The following SMG6 variants were observed in gnomAD, a reference collection of about 807,000 sequenced individuals.
SMG6 encodes the protein SMG6 nonsense mediated mRNA decay factor.
SMG6 carries 66 observed loss-of-function variants against 142.2 expected under a neutral mutation model. That is an observed-to-expected ratio of 0.46 (90% CI 0.38 to 0.57). SMG6 has a LOEUF of 0.57. Ranked by LOEUF, SMG6 falls within the 20% of genes least tolerant of loss-of-function variation. SMG6 has a pLI of 0.00. For synonymous variants in SMG6, 779 were observed against 702.4 expected (o/e 1.11, Z -1.72); for missense variants, 1,793 against 1,832.0 (o/e 0.98, Z 0.39).
chr17:2,293,149 T>TA (rs2075075875), intron 4 of SMG6, among the ~76,000 whole-genome samples, 172 bp from the exon 5 acceptor site: 1 of 152,070 alleles, frequency 6.6e-6, no homozygotes, highest in Non-Finnish European at 1.5e-5. Flanking sequence ...CAACAAACTA[T>TA]AAAGTTTTCA....
At chr17:2,108,478 C>CCACGCCTGCAAACCTGCAGGTG (rs2069215624) in intron 13 of SMG6, among the ~76,000 whole-genome samples, 1 of 151,936 alleles carries the variant, frequency 6.6e-6, no homozygotes, top group Non-Finnish European at 1.5e-5. Flanking sequence ...TTAACCAGGC[C>CCACGCCTGCAAACCTGCAGGTG]CACGCCTGCA....
At chr17:2,287,394 T>C (rs998039509) in intron 6 of SMG6, among the ~76,000 whole-genome samples, 8 of 152,164 alleles carry the variant, frequency 5.3e-5, no homozygotes, top group African/African-American at 1.9e-4. Flanking sequence ...ATGCAGAAAA[T>C]AACAAGTGTT....
chr17:2,184,793 C>T lies in SMG6; in HGVS notation c.3155+1870G>A, dbSNP rs537081533. Among the ~76,000 whole-genome samples the T allele has an allele frequency of 1.6e-3, 233 of 150,318 alleles. 2 individuals carry two copies. Among genetic ancestry groups the T allele is most frequent in the African/African-American group, 5.3e-3 (218 of 40,878 alleles). On this transcript the variant is annotated intron_variant, in intron 12 of 18. Transcript: ENST00000263073. ...CAGCCTGGCCCACGTGGTAAAACCC[C>T]GTCTCTATTAAAAATACAAAAATTA...
intron 4 of SMG6, 88 bp downstream of exon 4, chr17:2,297,155 C>T: frequency 3.4e-6 from 3 of 871,088 alleles, no homozygotes; most frequent in Admixed American, 2.3e-5. Flanking sequence ...ATCCTCAACA[C>T]CCAGTACAGT....
At chr17:2,080,244 C>T (rs555351350) in intron 15 of SMG6, among the ~76,000 whole-genome samples, 1 of 151,820 alleles carries the variant, frequency 6.6e-6, no homozygotes, top group South Asian at 2.1e-4. Flanking sequence ...CACAGCAAAA[C>T]CCTGTCTTTA....
rs146337444 is a variant in SMG6, at chr17:2,298,053, G to A, written c.1850C>T (p.Ala617Val). Residue 617 changes from alanine to valine, a missense_variant and splice_region_variant, in exon 3 of 19, where the codon GCT becomes GTT. Coordinates refer to ENST00000263073, the MANE Select transcript of SMG6 (RefSeq NM_017575.5). ...EGLEKMAQLR[A>V]ELLQLYERCI... Reference sequence around the variant, plus strand: ...GCGCTCATATAGCTGCAGCAGTTCAGCTCTGGAATAAAATACATGCAACTT... The same window carrying A: ...GCGCTCATATAGCTGCAGCAGTTCAACTCTGGAATAAAATACATGCAACTT... 4.9e-5 allele frequency: 78 copies of A among 1,593,508 alleles called. No homozygotes were observed. The highest frequency in any genetic ancestry group is 6.2e-5 in the Non-Finnish European group (73 of 1,173,338).
Position 2,085,931 on chromosome 17 carries a change from A to G in SMG6, c.3358-30T>C. On this transcript the variant is annotated intron_variant, in intron 13 of 18. Coordinates refer to ENST00000263073, the MANE Select transcript of SMG6 (RefSeq NM_017575.5). This position sits in a 1 kb window ranked among gnomAD's most constrained non-coding sequence, Gnocchi z 4.1. The stretch of plus-strand genomic sequence containing the variant: ...AGGGTGAGAGGGAGAGAAGAAAAAC[A>G]GCATTTTCTGAAAGGGAAGATGGAG... 4 of 1,608,020 alleles carry G rather than the reference A, an allele frequency of 2.5e-6. No homozygotes were observed.
chr17:2,219,364 G>T (rs1299852716), intron 10 of SMG6, among the ~76,000 whole-genome samples: 2 of 152,026 alleles, frequency 1.3e-5, no homozygotes, highest in Non-Finnish European at 2.9e-5. Flanking sequence ...CAGCCTGGGC[G>T]GCAGAGCGAG....
intron 13 of SMG6, among the ~76,000 whole-genome samples, chr17:2,157,683 A>G (rs2071049239): frequency 6.6e-6 from 1 of 152,204 alleles, no homozygotes; most frequent in African/African-American, 2.4e-5. Flanking sequence ...GCTTAAAGTT[A>G]GGCTTAACTT....
chr17:2,145,608 T>G (rs1597465659), intron 13 of SMG6, among the ~76,000 whole-genome samples: 1 of 110,900 alleles, frequency 9.0e-6, no homozygotes, highest in South Asian at 3.2e-4. Context: ...GCCACTGCAC[T>G]CCAGCCTTGG....
intron 16 of SMG6, among the ~76,000 whole-genome samples, chr17:2,066,547 G>A (rs1188907545): frequency 6.6e-6 from 1 of 151,980 alleles, no homozygotes; most frequent in Non-Finnish European, 1.5e-5. Flanking sequence ...TTAGCGCAGT[G>A]ATTCATGGCT....
At chr17:2,255,272 C>T (rs58503939) in intron 8 of SMG6, among the ~76,000 whole-genome samples, 8,665 of 150,412 alleles carry the variant, frequency 0.058, 793 homozygotes, top group African/African-American at 0.2. Flanking sequence ...GGCGTGGTGG[C>T]GGGCGCCTGT....
chr17:2,179,766 A>G (rs1355459548), intron 12 of SMG6, among the ~76,000 whole-genome samples: 1 of 152,166 alleles, frequency 6.6e-6, no homozygotes, highest in Admixed American at 6.5e-5. Flanking sequence ...CCAGACTCCA[A>G]ATGAAAAAGA....
chr17:2,211,561 G>A (rs938572986), intron 10 of SMG6, among the ~76,000 whole-genome samples: 2 of 151,834 alleles, frequency 1.3e-5, no homozygotes, highest in African/African-American at 2.4e-5. Context: ...CTACTCGGGA[G>A]GCTGAGGCAG....
At chr17:2,297,539 T>C (rs1186671859) in intron 3 of SMG6, among the ~76,000 whole-genome samples, 186 bp from the exon 4 acceptor site, 1 of 151,868 alleles carries the variant, frequency 6.6e-6, no homozygotes, top group Non-Finnish European at 1.5e-5. Context: ...AAAGCCTCCA[T>C]GGTTTTAAAG....
At chr17:2,198,965 A>AG (rs2072425165) in intron 10 of SMG6, among the ~76,000 whole-genome samples, 1 of 150,770 alleles carries the variant, frequency 6.6e-6, no homozygotes, top group African/African-American at 2.4e-5. Context: ...AAAAAAAAAA[A>AG]AAAAAAAAAG....
At chr17:2,183,896 G>C (rs929196698) in intron 12 of SMG6, among the ~76,000 whole-genome samples, 2 of 152,052 alleles carry the variant, frequency 1.3e-5, no homozygotes, top group Non-Finnish European at 2.9e-5. Context: ...AAGGCAGGCA[G>C]ATACAGGAAG....
chr17:2,213,819 T>C (rs1352341376), intron 10 of SMG6: 1 of 152,236 alleles, frequency 6.6e-6, no homozygotes, highest in Non-Finnish European at 1.5e-5. Flanking sequence ...AGCCGAGAAC[T>C]TGAAATAACG....
intron 10 of SMG6, among the ~76,000 whole-genome samples, chr17:2,190,048 A>T (rs2072111508): frequency 6.6e-6 from 1 of 152,200 alleles, no homozygotes; most frequent in African/African-American, 2.4e-5. Flanking sequence ...CAAGCATGCA[A>T]GAGCCAAGAA....
Sources: allele counts gnomAD v4.1 joint callset (sites outside exome capture counted in the v4.1 genomes callset), GRCh38; gene constraint gnomAD v4.1.1; non-coding constraint Gnocchi (gnomAD v3.1); transcripts MANE v1.5; gene names NCBI Gene and HGNC (gene_info 2026-07-23, HGNC 2026-07-21).